Variants in PNPLA8 observed in about 807,000 individuals in gnomAD.
PNPLA8 encodes calcium-independent phospholipase A2-gamma.
Under a neutral mutation model 76.9 loss-of-function variants are expected in PNPLA8, and 39 were observed. The ratio of observed to expected loss-of-function variants is 0.51; its 90% CI spans 0.39 to 0.66. The LOEUF is 0.66. Ranked by LOEUF, PNPLA8 falls within the 30% of genes least tolerant of loss-of-function variation. PNPLA8 has a pLI of 0.00. For missense variants in PNPLA8, 887 were observed against 918.0 expected, an observed-to-expected ratio of 0.97 and a Z score of 0.44; for synonymous variants, 301 against 307.9, an observed-to-expected ratio of 0.98 and a Z score of 0.24.
intron 4 of PNPLA8, among the ~76,000 whole-genome samples, chr7:108,503,609 C>T (rs189022562): frequency 3.9e-5 from 6 of 152,150 alleles, no homozygotes; most frequent in African/African-American, 1.4e-4. Context: ...TGATGAAATA[C>T]AAGAAAAGTA....
intron 8 of PNPLA8, among the ~76,000 whole-genome samples, 192 bp from the exon 9 acceptor site, chr7:108,488,145 G>A (rs920539324): frequency 6.6e-5 from 10 of 152,046 alleles, no homozygotes; most frequent in African/African-American, 2.2e-4. Context: ...AAAGACTGAA[G>A]CAATTCTGAG....
chr7:108,491,522 A>C (rs1316114764), intron 7 of PNPLA8, 55 bp from the exon 8 acceptor site: 2 of 1,067,602 alleles, frequency 1.9e-6, no homozygotes, highest in Non-Finnish European at 2.9e-6. Flanking sequence ...TCTCCTAACA[A>C]CCAGGAAACA....
intron 10 of PNPLA8, among the ~76,000 whole-genome samples, chr7:108,474,758 C>T (rs1201345659): frequency 6.6e-6 from 1 of 152,190 alleles, no homozygotes; most frequent in East Asian, 1.9e-4. Flanking sequence ...AAATCAATTT[C>T]TGGACTCTCT....
At chr7:108,520,585 G>A (rs1863664730) in intron 2 of PNPLA8, among the ~76,000 whole-genome samples, 1 of 152,122 alleles carries the variant, frequency 6.6e-6, no homozygotes, top group African/African-American at 2.4e-5. Flanking sequence ...TTTCAAAATA[G>A]CTAGAAGATT....
intron 6 of PNPLA8, 54 bp from the exon 7 acceptor site, chr7:108,496,809 G>C: frequency 7.5e-7 from 1 of 1,330,666 alleles, no homozygotes; most frequent in Non-Finnish European, 1.0e-6. Flanking sequence ...CCCTTATGAT[G>C]TAAGATTTCC....
At chr7:108,522,569 G>C (rs1005420876) in intron 1 of PNPLA8, among the ~76,000 whole-genome samples, 1 of 152,104 alleles carries the variant, frequency 6.6e-6, no homozygotes, top group South Asian at 2.1e-4. Context: ...AAAATGTATA[G>C]AGGCAAGTGG....
intron 10 of PNPLA8, 69 bp downstream of exon 10, chr7:108,479,115 A>G: frequency 1.8e-6 from 2 of 1,111,724 alleles, no homozygotes; most frequent in Non-Finnish European, 2.7e-6. Flanking sequence ...GTTAGGACCA[A>G]CAAATGCCAC....
chr7:108,518,227 A>T (rs1315477463), intron 2 of PNPLA8: 1 of 152,226 alleles, frequency 6.6e-6, no homozygotes, highest in Admixed American at 6.5e-5. Context: ...TGATTTCCAC[A>T]TGAATTTTGA....
rs768299684 is a variant in PNPLA8, at chr7:108,491,466, C to G, written c.1627G>C (p.Asp543His). 2 of 1,589,852 alleles carry G rather than the reference C, an allele frequency of 1.3e-6. No homozygotes were observed. Among genetic ancestry groups the G allele is most frequent in the South Asian group, 2.2e-5 (2 of 90,536 alleles). Residue 543 changes from aspartate (D) to histidine (H), a missense_variant and splice_region_variant, in exon 8 of 11, where the codon GAT becomes CAT. By Grantham distance (81) the Asp-to-His change is moderately conservative. Transcript: ENST00000257694. ...DSQTWENILK[D>H]RMGSALMIET... Reference sequence around the variant, plus strand: ...ATCATCAGTGCAGATCCCATCCTATCCCTTTATTAAAGGAGAAAAAAATAA... The same window carrying G: ...ATCATCAGTGCAGATCCCATCCTATGCCTTTATTAAAGGAGAAAAAAATAA...
chr7:108,474,919 C>T (rs935103220), intron 10 of PNPLA8, among the ~76,000 whole-genome samples: 1 of 152,072 alleles, frequency 6.6e-6, no homozygotes, highest in African/African-American at 2.4e-5. Context: ...GTCAGGGGTC[C>T]CCAACCCATG....
At position 108,526,133 on chromosome 7, in the gene PNPLA8, A is replaced by C; in HGVS notation, c.-234T>G. On this transcript the variant is annotated 5_prime_UTR_variant, in exon 1 of 11. Transcript: ENST00000257694. ...CATCAGCTGAGCTTCCAACACAAAC[A>C]CTGGCGCAGCAGCTAGGTCGCCACC... 3.1e-6 allele frequency: 3 copies of C among 973,428 alleles called. No homozygotes were observed. The highest frequency in any genetic ancestry group is 3.7e-6 in the Non-Finnish European group (3 of 818,964). 60.3% of individuals were successfully genotyped at this position (973,428 alleles called of 1,614,324 possible). A position where few individuals can be genotyped will look rare whatever the true frequency, so the allele number is the denominator to read the frequency against.
intron 5 of PNPLA8, among the ~76,000 whole-genome samples, chr7:108,498,601 T>G (rs930572900): frequency 1.3e-5 from 2 of 152,068 alleles, no homozygotes; most frequent in Admixed American, 1.3e-4. Context: ...CTCCCTTTTC[T>G]TTATTCATTT....
chr7:108,497,601 A>G, intron 5 of PNPLA8, 24 bp from the exon 6 acceptor site: 2 of 1,366,774 alleles, frequency 1.5e-6, no homozygotes, highest in Non-Finnish European at 2.0e-6. Context: ...TAAAGACAAA[A>G]TGACAATTCC....
chr7:108,520,192 TG>T (rs1863638828), intron 2 of PNPLA8, among the ~76,000 whole-genome samples: 1 of 152,148 alleles, frequency 6.6e-6, no homozygotes, highest in Non-Finnish European at 1.5e-5. Context: ...CCGGCAGAGG[TG>T]GAAGGGGAAA....
upstream of PNPLA8, among the ~76,000 whole-genome samples, chr7:108,527,545 G>C (rs1480972045): frequency 6.6e-6 from 1 of 152,166 alleles, no homozygotes; most frequent in Non-Finnish European, 1.5e-5. Flanking sequence ...TAGAACTATT[G>C]CAATAGGTGC....
chr7:108,505,596 C>T (rs539788009), intron 4 of PNPLA8, among the ~76,000 whole-genome samples: 12 of 151,426 alleles, frequency 7.9e-5, no homozygotes, highest in African/African-American at 2.7e-4. Flanking sequence ...CGCTTGATCT[C>T]GTGATCTGCC....
In PNPLA8 at chr7:108,514,476, T is replaced by C. The variant is rs2154516694; in HGVS notation, c.1016A>G (p.Asn339Ser). The C allele has an allele frequency of 6.2e-7, 1 of 1,613,564 alleles. No individual in the cohort carries two copies. The highest frequency in any genetic ancestry group is 8.5e-7 in the Non-Finnish European group (1 of 1,179,778). ...KTDQAVSKDRNAEEKKRLSLQ... is the reference protein window; with the variant it reads ...KTDQAVSKDRSAEEKKRLSLQ... ...AGATAAACGCTTTTTCTCCTCTGCATTTCTGTCTTTGCTGACAGCCTGATC... is the reference window on the plus strand; with the variant it reads ...AGATAAACGCTTTTTCTCCTCTGCACTTCTGTCTTTGCTGACAGCCTGATC... The change falls in exon 3 of 11, where the codon AAT (asparagine) becomes AGT (serine). Residue 339 changes from asparagine (N) to serine (S), a missense_variant. Asn to Ser is a conservative substitution (Grantham distance 46, BLOSUM62 1). Coordinates refer to ENST00000257694, the MANE Select transcript of PNPLA8 (RefSeq NM_001256007.3).
chr7:108,507,101 G>T (rs968459429), intron 4 of PNPLA8, among the ~76,000 whole-genome samples: 1 of 152,074 alleles, frequency 6.6e-6, no homozygotes, highest in Non-Finnish European at 1.5e-5. Context: ...CCAGCACTTT[G>T]GGCGGCCGAG....
chr7:108,510,032 T>G (rs1304578253), intron 4 of PNPLA8, among the ~76,000 whole-genome samples: 8 of 69,472 alleles, frequency 1.2e-4, no homozygotes, highest in East Asian at 4.8e-4. Context: ...TGTGGTGGGG[T>G]GGGGGGAGGG....
Sources: gnomAD v4.1 joint callset for allele counts (sites outside exome capture counted in the v4.1 genomes callset) on GRCh38, gnomAD v4.1.1 for gene constraint, MANE v1.5 for transcripts, NCBI Gene and HGNC (gene_info 2026-07-23, HGNC 2026-07-21) for gene names.